The following PSMB7 variants were observed in gnomAD, a reference collection of about 807,000 sequenced individuals.
PSMB7 encodes proteasome 20S subunit beta 7, also known as proteasome subunit beta type-7.
Under a neutral mutation model 28.1 loss-of-function variants are expected in PSMB7, and 5 were observed. That is an observed-to-expected ratio of 0.18 (90% confidence interval 0.09 to 0.37). The LOEUF is 0.37. PSMB7 is among the 10% of genes least tolerant of loss of function. The probability of loss-of-function intolerance (pLI) is 1.00; values close to 1 mark genes in which losing one functional copy is unlikely to be tolerated. For missense variants in PSMB7, 275 were observed against 346.2 expected, an observed-to-expected ratio of 0.79 and a Z score of 1.63; for synonymous variants, 122 against 123.7, an observed-to-expected ratio of 0.99 and a Z score of 0.09.
At position 124,399,986 on chromosome 9, in the gene PSMB7, G is replaced by A. The variant is rs117158674; in HGVS notation, c.511+5331C>T. ...AAATCAAAACAGCTCTGCCTGCAGC[G>A]TCTGGACCCCCGAGGCCTGCTTTCC... On this transcript the variant is annotated intron_variant, in intron 5 of 7. Transcript: ENST00000259457. Among the ~76,000 whole-genome samples the A allele has an allele frequency of 3.2e-3, 488 of 152,238 alleles. 2 individuals are homozygous for A. The highest frequency in any genetic ancestry group is 6.0e-3 in the Non-Finnish European group (407 of 68,010).
chr9:124,403,885 CA>C (rs749412893), intron 5 of PSMB7, among the ~76,000 whole-genome samples: 74 of 131,816 alleles, frequency 5.6e-4, no homozygotes, highest in Middle Eastern at 3.9e-3. Context: ...CCTGTCCTGA[CA>C]TTTTTTTTTT....
chr9:124,363,146 A>G (rs1830478460), intron 6 of PSMB7, among the ~76,000 whole-genome samples: 1 of 152,258 alleles, frequency 6.6e-6, no homozygotes, highest in African/African-American at 2.4e-5. Flanking sequence ...AAATGCATGC[A>G]TGGCTCTGCC....
chr9:124,357,828 T>A (rs1031787043), intron 6 of PSMB7, among the ~76,000 whole-genome samples: 11 of 151,960 alleles, frequency 7.2e-5, no homozygotes, highest in African/African-American at 2.2e-4. Flanking sequence ...CAATGCAGGG[T>A]AAGGCTGGCT....
intron 5 of PSMB7, among the ~76,000 whole-genome samples, chr9:124,400,274 CTT>C (rs1468276067): frequency 6.6e-6 from 1 of 152,222 alleles, no homozygotes; most frequent in African/African-American, 2.4e-5. Flanking sequence ...TTTCTTCCCA[CTT>C]TCACCCATCA....
intron 4 of PSMB7, among the ~76,000 whole-genome samples, chr9:124,411,198 C>A (rs1173465494): frequency 6.6e-6 from 1 of 152,172 alleles, no homozygotes; most frequent in Non-Finnish European, 1.5e-5. Flanking sequence ...TCTCGAACTC[C>A]TTACCTCAGG....
intron 4 of PSMB7, among the ~76,000 whole-genome samples, chr9:124,412,076 G>C (rs1026243196): frequency 1.3e-5 from 2 of 151,986 alleles, no homozygotes; most frequent in Non-Finnish European, 2.9e-5. Flanking sequence ...TTCTTACCGT[G>C]AACAAAAAAG....
At chr9:124,373,982 T>C (rs938294684) in intron 6 of PSMB7, among the ~76,000 whole-genome samples, 15 of 152,146 alleles carry the variant, frequency 9.9e-5, no homozygotes, top group African/African-American at 3.4e-4. Context: ...TATAGTCAAA[T>C]AGTGAAAACA....
chr9:124,386,146 T>TA (rs200787837), intron 5 of PSMB7, among the ~76,000 whole-genome samples: 7,468 of 122,920 alleles, frequency 0.061, 191 homozygotes, highest in Non-Finnish European at 0.079. Context: ...TTTTTCTCCT[T>TA]AAAAAAAAAA....
chr9:124,392,448 C>T (rs540448203), intron 5 of PSMB7, among the ~76,000 whole-genome samples: 6 of 152,254 alleles, frequency 3.9e-5, no homozygotes, highest in South Asian at 2.1e-4. Flanking sequence ...ATGATGCAAC[C>T]GGAAACCGAG....
At position 124,401,212 on chromosome 9, in the gene PSMB7, T is replaced by A. The variant is rs149864970; in HGVS notation, c.511+4105A>T. ...TTTGTCCCACTTGAATGTTCTGTCATGTTCATAAATTATGTTCAGTAGAAA... is the reference window on the plus strand; with the variant it reads ...TTTGTCCCACTTGAATGTTCTGTCAAGTTCATAAATTATGTTCAGTAGAAA... On this transcript the variant is annotated intron_variant, in intron 5 of 7. Transcript: ENST00000259457. Among the ~76,000 whole-genome samples, 471 of 152,382 alleles carry A rather than the reference T, an allele frequency of 3.1e-3. 2 individuals carry two copies. The highest frequency in any genetic ancestry group is 0.011 in the African/African-American group (453 of 41,592).
intron 4 of PSMB7, among the ~76,000 whole-genome samples, chr9:124,409,063 T>C (rs1830997714): frequency 6.6e-6 from 1 of 152,222 alleles, no homozygotes; most frequent in Non-Finnish European, 1.5e-5. Context: ...CTCTTAGCAC[T>C]AACTGCTCGT....
At chr9:124,366,783 A>G (rs1466716569) in intron 6 of PSMB7, among the ~76,000 whole-genome samples, 3 of 152,244 alleles carry the variant, frequency 2.0e-5, no homozygotes, top group Non-Finnish European at 4.4e-5. Flanking sequence ...TTATATGTTT[A>G]GATACACAAA....
Position 124,359,373 on chromosome 9 carries a change from T to C in PSMB7, c.571-2458A>G, listed in dbSNP as rs573784203. Among the ~76,000 whole-genome samples, 5 of 152,098 alleles carry C rather than the reference T, an allele frequency of 3.3e-5. 1 individual carries two copies. In the South Asian group the frequency reaches 1.0e-3, roughly 32 times the overall value. On this transcript the variant is annotated intron_variant, in intron 6 of 7. Coordinates refer to ENST00000259457, the MANE Select transcript of PSMB7 (RefSeq NM_002799.4). ...AGCACCTATATGCTCACTAAAACAA[T>C]CAATCAATCAACATCTACCAGCACT...
intron 7 of PSMB7, among the ~76,000 whole-genome samples, chr9:124,354,595 C>G (rs370187252): frequency 6.6e-6 from 1 of 152,234 alleles, no homozygotes; most frequent in East Asian, 1.9e-4. Flanking sequence ...GGGCAACTTC[C>G]ACAGTTCTGC....
intron 4 of PSMB7, among the ~76,000 whole-genome samples, chr9:124,410,143 C>T (rs1831013960): frequency 1.3e-5 from 2 of 151,832 alleles, no homozygotes; most frequent in Non-Finnish European, 2.9e-5. Context: ...TACAGGCGCC[C>T]GCCACCACGC....
At chr9:124,388,599 C>T (rs1339812523) in intron 5 of PSMB7, among the ~76,000 whole-genome samples, 1 of 152,192 alleles carries the variant, frequency 6.6e-6, no homozygotes, top group Non-Finnish European at 1.5e-5. Context: ...GACCCTATGT[C>T]GCGCTCTCAT....
At chr9:124,375,444 A>G (rs1588572011) in intron 6 of PSMB7, among the ~76,000 whole-genome samples, 1 of 152,184 alleles carries the variant, frequency 6.6e-6, no homozygotes, top group East Asian at 1.9e-4. Context: ...GATTACAGGC[A>G]TGAGCCACGG....
intron 5 of PSMB7, among the ~76,000 whole-genome samples, chr9:124,389,444 A>C (rs1830761661): frequency 6.6e-6 from 1 of 152,162 alleles, no homozygotes; most frequent in Non-Finnish European, 1.5e-5. Context: ...ACAAGGTGCA[A>C]TTCAGTGACC....
intron 4 of PSMB7, among the ~76,000 whole-genome samples, chr9:124,408,954 G>A (rs1162643969): frequency 1.3e-5 from 2 of 152,086 alleles, no homozygotes; most frequent in East Asian, 3.8e-4. Context: ...TGCACTGTTA[G>A]GTGAGAAGAC....
Sources: allele counts gnomAD v4.1 joint callset (sites outside exome capture counted in the v4.1 genomes callset), GRCh38; gene constraint gnomAD v4.1.1; transcripts MANE v1.5; gene names NCBI Gene and HGNC (gene_info 2026-07-23, HGNC 2026-07-21).